Variants in FAT3 observed in about 807,000 individuals in gnomAD.
The protein encoded by FAT3 is protocadherin Fat 3.
A neutral mutation model predicts 310.2 loss-of-function variants in FAT3; 95 were observed. The observed-to-expected ratio is 0.31, with a 90% CI of 0.26 to 0.36. The LOEUF (loss-of-function observed/expected upper bound fraction) is 0.36. Among genes scored for constraint, FAT3 ranks in the 10% least tolerant of loss-of-function variants. FAT3 has a pLI of 1.00. For missense variants in FAT3, 5,408 were observed against 5,715.6 expected (o/e 0.95, Z 1.74); for synonymous variants, 2,314 against 2,192.9 (o/e 1.06, Z -1.54).
intron 3 of FAT3, among the ~76,000 whole-genome samples, chr11:92,602,183 C>T (rs1467037928): frequency 6.6e-6 from 1 of 152,000 alleles, no homozygotes; most frequent in African/African-American, 2.4e-5. Flanking sequence ...AAGCAGTTCT[C>T]CTGCCTCAGC....
chr11:92,835,253 T>G (rs1948376681), intron 15 of FAT3, among the ~76,000 whole-genome samples, 169 bp downstream of exon 15: 1 of 152,178 alleles, frequency 6.6e-6, no homozygotes, highest in Non-Finnish European at 1.5e-5. Context: ...CTGTAATTTG[T>G]ATATTAGGAA....
intron 3 of FAT3, among the ~76,000 whole-genome samples, chr11:92,645,529 C>T (rs1942124564): frequency 6.7e-6 from 1 of 150,112 alleles, no homozygotes; most frequent in African/African-American, 2.4e-5. Context: ...TTCATTATAC[C>T]CATTTGTACT....
At chr11:92,437,334 C>T (rs1379373663) in intron 2 of FAT3, among the ~76,000 whole-genome samples, 2 of 152,064 alleles carry the variant, frequency 1.3e-5, no homozygotes, top group African/African-American at 4.8e-5. Context: ...TAGTTTTTGC[C>T]CAGTATTAAT....
chr11:92,332,236 C>G (rs1037593099), intron 1 of FAT3, among the ~76,000 whole-genome samples: 2 of 152,330 alleles, frequency 1.3e-5, no homozygotes, highest in South Asian at 2.1e-4. Context: ...CACTTTCCCA[C>G]ATCTGTGTTT....
chr11:92,414,796 G>T (rs1306818971), intron 2 of FAT3, among the ~76,000 whole-genome samples: 1 of 152,000 alleles, frequency 6.6e-6, no homozygotes, highest in East Asian at 1.9e-4. Context: ...GGATCACGAG[G>T]TCGGGAGATC....
chr11:92,454,014 C>T (rs1186180993), intron 2 of FAT3, among the ~76,000 whole-genome samples: 1 of 151,714 alleles, frequency 6.6e-6, no homozygotes, highest in East Asian at 1.9e-4. Context: ...GTAAAAAAGA[C>T]AAAAAAGGTA....
intron 4 of FAT3, among the ~76,000 whole-genome samples, chr11:92,757,523 GGGCTAA>G (rs1946035072): frequency 6.6e-6 from 1 of 152,120 alleles, no homozygotes; most frequent in Non-Finnish European, 1.5e-5. Context: ...CCTTTCATAT[GGGCTAA>G]TTCGAAGGGA....
intron 2 of FAT3, among the ~76,000 whole-genome samples, chr11:92,396,285 A>G (rs1473391842): frequency 1.3e-5 from 2 of 152,158 alleles, no homozygotes; most frequent in Non-Finnish European, 2.9e-5. Context: ...GCAGCTGAGT[A>G]TGGTGTTAAA....
intron 7 of FAT3, among the ~76,000 whole-genome samples, chr11:92,786,413 G>A (rs908207350): frequency 2.6e-5 from 4 of 151,768 alleles, no homozygotes; most frequent in Admixed American, 2.6e-4. Flanking sequence ...AGAATGAGAG[G>A]CCATCTAACC....
chr11:92,734,625 C>T (rs1486073876), intron 4 of FAT3, among the ~76,000 whole-genome samples: 1 of 152,030 alleles, frequency 6.6e-6, no homozygotes, highest in Non-Finnish European at 1.5e-5. Context: ...CTCTTATTTG[C>T]TTGGAACACT....
chr11:92,787,793 T>C (rs1946933325), intron 7 of FAT3, among the ~76,000 whole-genome samples: 1 of 151,820 alleles, frequency 6.6e-6, no homozygotes, highest in African/African-American at 2.4e-5. Context: ...TATTCTGAGA[T>C]TTTTGTGCAT....
chr11:92,687,011 T>G (rs1195129507), intron 3 of FAT3, among the ~76,000 whole-genome samples: 1 of 152,216 alleles, frequency 6.6e-6, no homozygotes, highest in East Asian at 1.9e-4. Context: ...ACTTTTAGTT[T>G]CCTGGTTATT....
At chr11:92,838,037 C>G (rs1948450029) in intron 17 of FAT3, among the ~76,000 whole-genome samples, 1 of 152,158 alleles carries the variant, frequency 6.6e-6, no homozygotes, top group African/African-American at 2.4e-5. Context: ...TGCACTCTGT[C>G]TCTCCCCACA....
At chr11:92,769,544 T>C (rs905447113) in intron 6 of FAT3, among the ~76,000 whole-genome samples, 1 of 152,212 alleles carries the variant, frequency 6.6e-6, no homozygotes, top group South Asian at 2.1e-4. Flanking sequence ...GCCACCTTTA[T>C]TACACACCTC....
In FAT3 at chr11:92,893,384, A is replaced by G. The variant is rs1002994566; in HGVS notation, c.*2271A>G. ...AGCACATTTGCAAGAATCATGGAAA[A>G]AAATGACAAACTAATGGCCTAGAAT... On this transcript the variant is annotated 3_prime_UTR_variant, in exon 28 of 28. Transcript: ENST00000525166. The G allele has an allele frequency of 3.9e-5, 6 of 152,218 alleles. No homozygotes were observed. Among genetic ancestry groups the G allele is most frequent in the African/African-American group, 1.4e-4 (6 of 41,448 alleles). 9.4% of individuals were successfully genotyped at this position (152,218 alleles called of 1,614,324 possible).
chr11:92,682,140 T>C (rs1427132591), intron 3 of FAT3, among the ~76,000 whole-genome samples: 1 of 152,190 alleles, frequency 6.6e-6, no homozygotes, highest in Non-Finnish European at 1.5e-5. Context: ...TGCAAAACCT[T>C]AGGCAAGTTA....
At chr11:92,495,506 A>G (rs1310706394) in intron 2 of FAT3, among the ~76,000 whole-genome samples, 1 of 152,074 alleles carries the variant, frequency 6.6e-6, no homozygotes, top group Non-Finnish European at 1.5e-5. Context: ...TTAGGAGCAC[A>G]TTATCTCTAG....
intron 1 of FAT3, among the ~76,000 whole-genome samples, chr11:92,308,214 T>G (rs539595182): frequency 2.0e-5 from 3 of 152,322 alleles, no homozygotes; most frequent in South Asian, 4.1e-4. Flanking sequence ...CATCTCTTTC[T>G]TTCACAGGTT....
chr11:92,710,095 CAAATA>C (rs1048503274), intron 4 of FAT3, among the ~76,000 whole-genome samples: 1 of 152,074 alleles, frequency 6.6e-6, no homozygotes, highest in Non-Finnish European at 1.5e-5. Flanking sequence ...TGACTACTTT[CAAATA>C]AAATAGAAAA....
Sources: allele counts gnomAD v4.1 joint callset (sites outside exome capture counted in the v4.1 genomes callset), GRCh38; gene constraint gnomAD v4.1.1; transcripts MANE v1.5; gene names NCBI Gene and HGNC (gene_info 2026-07-23, HGNC 2026-07-21).